Variants in DISP1 observed in about 807,000 individuals in gnomAD.
DISP1 encodes protein dispatched homolog 1.
In DISP1, 30 loss-of-function variants were observed where a neutral mutation model predicts 37.3. That is an observed-to-expected ratio of 0.80 (90% CI 0.60 to 1.09). The LOEUF (loss-of-function observed/expected upper bound fraction) is 1.09. Ranked by LOEUF, DISP1 falls within the 50% of genes least tolerant of loss-of-function variation. The probability of loss-of-function intolerance (pLI) is 0.00; values close to 1 mark genes in which losing one functional copy is unlikely to be tolerated. For synonymous variants in DISP1, 634 were observed against 690.2 expected, an observed-to-expected ratio of 0.92 and a Z score of 1.28; for missense variants, 1,598 against 1,879.5, an observed-to-expected ratio of 0.85 and a Z score of 2.77.
At chr1:222,878,893 C>T (rs1339754894) in intron 1 of DISP1, among the ~76,000 whole-genome samples, 1 of 151,956 alleles carries the variant, frequency 6.6e-6, no homozygotes, top group Non-Finnish European at 1.5e-5. Flanking sequence ...TTTCAGTAAA[C>T]CTGAGGTCTG....
intron 1 of DISP1, among the ~76,000 whole-genome samples, chr1:222,851,061 A>ATT (rs971721526): frequency 9.1e-4 from 116 of 127,350 alleles, no homozygotes; most frequent in Admixed American, 1.8e-3. Flanking sequence ...TGCATTTTTA[A>ATT]TTTTTTTTTT....
chr1:222,954,516 G>T (rs909852547), intron 3 of DISP1, among the ~76,000 whole-genome samples: 1 of 152,116 alleles, frequency 6.6e-6, no homozygotes, highest in Admixed American at 6.5e-5. Flanking sequence ...CTTAACAACA[G>T]CAAAAACCTC....
chr1:222,887,283 C>G (rs985870401), intron 1 of DISP1, among the ~76,000 whole-genome samples: 2 of 152,102 alleles, frequency 1.3e-5, no homozygotes, highest in African/African-American at 2.4e-5. Context: ...AGTACAAGCC[C>G]TTATTTTCCT....
intron 1 of DISP1, among the ~76,000 whole-genome samples, chr1:222,832,701 C>A (rs1274774194): frequency 2.0e-5 from 3 of 152,130 alleles, no homozygotes; most frequent in Non-Finnish European, 4.4e-5. Context: ...TCAAGACCAG[C>A]CTGGCCAACA....
chr1:222,992,943 C>T (rs1325370028), intron 7 of DISP1, among the ~76,000 whole-genome samples: 1 of 141,410 alleles, frequency 7.1e-6, no homozygotes, highest in African/African-American at 2.6e-5. Flanking sequence ...CTTACCACAA[C>T]CTCCATCTCC....
At chr1:222,852,282 G>T (rs941860141) in intron 1 of DISP1, among the ~76,000 whole-genome samples, 1 of 151,636 alleles carries the variant, frequency 6.6e-6, no homozygotes, top group East Asian at 1.9e-4. Flanking sequence ...CAGTCATGTA[G>T]ACTTTTAGTA....
At position 223,002,827 on chromosome 1, in the gene DISP1, C is replaced by T. The variant is rs779142191; in HGVS notation, c.1430C>T (p.Ser477Phe). Residue 477 changes from serine to phenylalanine, a missense_variant, in exon 9 of 9, where the codon TCT becomes TTT. Transcript: ENST00000675850. Reference protein sequence around the residue: ...IYLDNFENWNSSDGVTTITGI... With the variant: ...IYLDNFENWNFSDGVTTITGI... ...TTGGACAACTTTGAAAACTGGAACT[C>T]TTCTGACGGCGTGACTACCATCACC... 11 of 1,613,916 alleles carry T rather than the reference C, an allele frequency of 6.8e-6. No homozygotes were observed. In the Admixed American group the frequency reaches 1.2e-4, roughly 17 times the overall value.
intron 1 of DISP1, among the ~76,000 whole-genome samples, chr1:222,909,334 A>G (rs974883673): frequency 1.3e-5 from 2 of 152,218 alleles, no homozygotes; most frequent in Non-Finnish European, 2.9e-5. Flanking sequence ...GCTCATTATG[A>G]ATAACCCAGG....
intron 1 of DISP1, among the ~76,000 whole-genome samples, chr1:222,834,069 G>A (rs948149003): frequency 6.6e-6 from 1 of 152,200 alleles, no homozygotes; most frequent in African/African-American, 2.4e-5. Flanking sequence ...AGATTTTTAA[G>A]TTGTAAGCTC....
intron 3 of DISP1, among the ~76,000 whole-genome samples, chr1:222,969,821 A>C (rs757627463): frequency 5.9e-5 from 9 of 152,110 alleles, no homozygotes; most frequent in African/African-American, 9.7e-5. Context: ...TAATTGTGTA[A>C]TTTTCTGCAT....
chr1:222,935,456 G>A (rs1005103082), intron 2 of DISP1, among the ~76,000 whole-genome samples: 1 of 152,154 alleles, frequency 6.6e-6, no homozygotes, highest in Non-Finnish European at 1.5e-5. Context: ...TTTGTCATCA[G>A]TATGTGACTT....
chr1:222,994,830 A>G lies in DISP1; in HGVS notation c.890-55A>G, dbSNP rs528974428. ...TATTTCCAAATCCTGAGTCTTATGA[A>G]ATAAATGAATAATTTATAAACCTTT... On this transcript the variant is annotated intron_variant, in intron 7 of 8. Transcript: ENST00000675850. 20 of 1,304,922 alleles carry G rather than the reference A, an allele frequency of 1.5e-5. No homozygotes were observed. The South Asian group carries it at 2.3e-4, about 15-fold the overall frequency. 80.8% of individuals were successfully genotyped at this position (1,304,922 alleles called of 1,614,324 possible). A position where few individuals can be genotyped will look rare whatever the true frequency, so the allele number is the denominator to read the frequency against.
chr1:222,856,331 G>A (rs1047070853), intron 1 of DISP1, among the ~76,000 whole-genome samples: 2 of 152,184 alleles, frequency 1.3e-5, no homozygotes, highest in African/African-American at 2.4e-5. Flanking sequence ...CCAGGTATGA[G>A]TGCTTACTGT....
At chr1:222,861,300 A>T (rs550070645) in intron 1 of DISP1, among the ~76,000 whole-genome samples, 1 of 152,320 alleles carries the variant, frequency 6.6e-6, no homozygotes, top group East Asian at 1.9e-4. Context: ...GGTTACAGTT[A>T]CTTTATTGCA....
At chr1:222,832,016 A>T (rs993552443) in intron 1 of DISP1, among the ~76,000 whole-genome samples, 2 of 152,162 alleles carry the variant, frequency 1.3e-5, no homozygotes, top group African/African-American at 4.8e-5. Flanking sequence ...ACGGTGGGTC[A>T]TGCCTGTAAT....
At chr1:222,895,475 A>G (rs986477350) in intron 1 of DISP1, among the ~76,000 whole-genome samples, 2 of 152,138 alleles carry the variant, frequency 1.3e-5, no homozygotes, top group East Asian at 1.9e-4. Flanking sequence ...TTATCTCATC[A>G]TTTTTCGCAA....
At chr1:222,984,421 A>ATCT (rs796974033) in intron 4 of DISP1, among the ~76,000 whole-genome samples, 1 of 105,798 alleles carries the variant, frequency 9.5e-6, no homozygotes, top group East Asian at 2.6e-4. Flanking sequence ...AAAAAAAAAA[A>ATCT]ATATATATAT....
intron 1 of DISP1, chr1:222,823,777 A>G (rs1187573759): frequency 6.6e-6 from 1 of 151,392 alleles, no homozygotes; most frequent in Non-Finnish European, 1.5e-5. Context: ...GTGTTTTAAT[A>G]TATGTAGATT....
chr1:222,967,932 T>G (rs1676630268), intron 3 of DISP1, among the ~76,000 whole-genome samples: 2 of 152,174 alleles, frequency 1.3e-5, no homozygotes, highest in Admixed American at 1.3e-4. Flanking sequence ...CCTCCGGTCT[T>G]TCACTGACTA....
Sources: allele counts gnomAD v4.1 joint callset (sites outside exome capture counted in the v4.1 genomes callset), GRCh38; gene constraint gnomAD v4.1.1; transcripts MANE v1.5; gene names NCBI Gene and HGNC (gene_info 2026-07-23, HGNC 2026-07-21).